The following LPP variants were observed in gnomAD, a reference collection of about 807,000 sequenced individuals.
LPP encodes the protein lipoma-preferred partner.
A neutral mutation model predicts 60.4 loss-of-function variants in LPP; 38 were observed. The observed-to-expected ratio is 0.63, with a 90% CI of 0.49 to 0.83. The LOEUF (loss-of-function observed/expected upper bound fraction) is 0.83. Ranked by LOEUF, LPP falls within the 40% of genes least tolerant of loss-of-function variation. The pLI is 0.00. For missense variants in LPP, 902 were observed against 783.6 expected (o/e 1.15, Z -1.80); for synonymous variants, 328 against 290.8 (o/e 1.13, Z -1.30).
intron 1 of LPP, among the ~76,000 whole-genome samples, chr3:188,207,193 C>G (rs928774609): frequency 6.7e-6 from 1 of 149,072 alleles, no homozygotes; most frequent in African/African-American, 2.5e-5. Flanking sequence ...ACTTCTCTCA[C>G]TAGTGACCTA....
At chr3:188,492,447 T>A (rs896980803) in intron 5 of LPP, among the ~76,000 whole-genome samples, 8 of 152,044 alleles carry the variant, frequency 5.3e-5, no homozygotes, top group African/African-American at 1.7e-4. Context: ...GTAATACCAG[T>A]ACTTTGGGAG....
rs528179467 is a variant in LPP, at chr3:188,561,924, AC to A, written c.429+37139del. Among the ~76,000 whole-genome samples, 5 of 152,120 alleles carry A rather than the reference AC, an allele frequency of 3.3e-5. No homozygotes were observed. In the East Asian group the frequency reaches 9.7e-4, roughly 30 times the overall value. ...TTTGAAAGTGCACTTTCTAATGAGA[AC>A]CTGGAGATTCATGGAGAATTTGCAG... On this transcript the variant is annotated intron_variant, in intron 6 of 11. Transcript: ENST00000617246.
At chr3:188,663,468 ACTTTT>A (rs1184825713) in intron 7 of LPP, among the ~76,000 whole-genome samples, 2 of 152,198 alleles carry the variant, frequency 1.3e-5, no homozygotes, top group Non-Finnish European at 2.9e-5. Flanking sequence ...ACAAGTTTTT[ACTTTT>A]CTTTTCTCCA....
intron 2 of LPP, chr3:188,312,998 G>C (rs568568656): frequency 6.6e-6 from 1 of 151,966 alleles, no homozygotes; most frequent in Non-Finnish European, 1.5e-5. Flanking sequence ...GTTGGGGGAC[G>C]GGGGAGGGAT....
At chr3:188,319,858 C>T (rs935754489) in intron 2 of LPP, among the ~76,000 whole-genome samples, 3 of 152,062 alleles carry the variant, frequency 2.0e-5, no homozygotes, top group Non-Finnish European at 4.4e-5. Context: ...TTTCCTAGAT[C>T]TAGTTTAGGA....
intron 6 of LPP, among the ~76,000 whole-genome samples, chr3:188,550,445 G>A (rs1186820593): frequency 6.6e-6 from 1 of 151,834 alleles, no homozygotes; most frequent in African/African-American, 2.4e-5. Flanking sequence ...GGGTGTGGTG[G>A]CATGTACCTG....
In LPP at chr3:188,441,609, CTTTTTTT is replaced by C. The variant is rs1004222826; in HGVS notation, c.193+35319_193+35325del. On this transcript the variant is annotated intron_variant, in intron 4 of 11. Coordinates refer to ENST00000617246, the MANE Select transcript of LPP (RefSeq NM_001375462.1). ...ACAGTTTCTTTTTTTCTTTTCTTTT[CTTTTTTT>C]TTTTTTTTTTTTTTTTTTTTTTGAG... Among the ~76,000 whole-genome samples, 132 of 55,648 alleles carry C rather than the reference CTTTTTTT, an allele frequency of 2.4e-3. 2 individuals carry two copies. Among genetic ancestry groups the C allele is most frequent in the South Asian group, 0.013 (15 of 1,154 alleles). 36.5% of individuals were successfully genotyped at this position (55,648 alleles called of 152,430 possible). A position where few individuals can be genotyped will look rare whatever the true frequency, so the allele number is the denominator to read the frequency against.
Position 188,872,648 on chromosome 3 carries a change from T to A in LPP, c.1595T>A (p.Phe532Tyr), listed in dbSNP as rs564941918. 7 of 1,613,942 alleles carry A rather than the reference T, an allele frequency of 4.3e-6. No homozygotes were observed. The highest frequency in any genetic ancestry group is 5.1e-6 in the Non-Finnish European group (6 of 1,179,972). The change falls in exon 11 of 12, where the codon TTT (phenylalanine) becomes TAT (tyrosine). Residue 532 changes from phenylalanine to tyrosine, a missense_variant. Coordinates refer to ENST00000617246, the MANE Select transcript of LPP (RefSeq NM_001375462.1). Reference sequence around the variant, plus strand: ...AACTCTCTCTTCACTTTCAGGAAATTTGCCCCGCGATGTTCTGTGTGCAAG... The same window carrying A: ...AACTCTCTCTTCACTTTCAGGAAATATGCCCCGCGATGTTCTGTGTGCAAG... Reference protein sequence around the residue: ...IHCIEDFHKKFAPRCSVCKEP... With the variant: ...IHCIEDFHKKYAPRCSVCKEP...
chr3:188,374,191 G>A (rs901328248), intron 3 of LPP, among the ~76,000 whole-genome samples: 8 of 151,908 alleles, frequency 5.3e-5, no homozygotes, highest in African/African-American at 1.9e-4. Context: ...GGCGATGCAG[G>A]CTGTTTTTTG....
chr3:188,469,763 A>C (rs1024731081), intron 4 of LPP, among the ~76,000 whole-genome samples: 2 of 152,138 alleles, frequency 1.3e-5, no homozygotes, highest in African/African-American at 4.8e-5. Flanking sequence ...CCATGTTAAC[A>C]GTAAAGCATC....
intron 3 of LPP, among the ~76,000 whole-genome samples, chr3:188,384,389 A>G (rs989068796): frequency 2.6e-5 from 4 of 151,798 alleles, no homozygotes; most frequent in African/African-American, 9.7e-5. Flanking sequence ...CACCATATAT[A>G]TATGGCTTAT....
chr3:188,515,057 C>G (rs1440864289), intron 5 of LPP, among the ~76,000 whole-genome samples: 5 of 152,180 alleles, frequency 3.3e-5, no homozygotes, highest in Non-Finnish European at 7.3e-5. Flanking sequence ...AAGCATTTAT[C>G]AAGCGTAGCA....
chr3:188,535,906 A>G (rs1308551525), intron 6 of LPP, among the ~76,000 whole-genome samples: 1 of 152,172 alleles, frequency 6.6e-6, no homozygotes. Context: ...ATATTCAGTG[A>G]GAGGAAAGAA....
intron 9 of LPP, among the ~76,000 whole-genome samples, chr3:188,782,465 T>C (rs978864998): frequency 8.5e-5 from 13 of 152,200 alleles, no homozygotes; most frequent in African/African-American, 2.9e-4. Context: ...TAAAAGGGAA[T>C]ACTTATCATG....
At chr3:188,730,481 T>G (rs567366736) in intron 8 of LPP, among the ~76,000 whole-genome samples, 1 of 152,344 alleles carries the variant, frequency 6.6e-6, no homozygotes, top group East Asian at 1.9e-4. Context: ...GGTACTCACT[T>G]GTAAGTGGAG....
At chr3:188,331,932 A>G (rs535921979) in intron 2 of LPP, among the ~76,000 whole-genome samples, 1 of 152,320 alleles carries the variant, frequency 6.6e-6, no homozygotes, top group East Asian at 1.9e-4. Flanking sequence ...AAGATATAAA[A>G]TGCTTAGCTT....
intron 2 of LPP, among the ~76,000 whole-genome samples, chr3:188,259,714 A>G (rs974219285): frequency 9.2e-5 from 14 of 152,276 alleles, no homozygotes; most frequent in African/African-American, 3.4e-4. Flanking sequence ...ACTTTGTTCA[A>G]TTCAGCAGTT....
At chr3:188,328,910 A>G (rs1197003433) in intron 2 of LPP, among the ~76,000 whole-genome samples, 2 of 152,228 alleles carry the variant, frequency 1.3e-5, no homozygotes, top group Admixed American at 6.5e-5. Flanking sequence ...GTTTCAATGC[A>G]TTAAAGAGAG....
intron 3 of LPP, among the ~76,000 whole-genome samples, chr3:188,397,070 G>A (rs185872847): frequency 2.3e-3 from 353 of 152,274 alleles, no homozygotes; most frequent in Non-Finnish European, 3.7e-3. Context: ...CCATGGTTGC[G>A]AACTTTCTTG....
Sources: allele counts gnomAD v4.1 joint callset (sites outside exome capture counted in the v4.1 genomes callset), GRCh38; gene constraint gnomAD v4.1.1; transcripts MANE v1.5; gene names NCBI Gene and HGNC (gene_info 2026-07-23, HGNC 2026-07-21).